SPRED1: variants seen among roughly 807,000 people sequenced by gnomAD.
SPRED1 encodes sprouty related EVH1 domain containing 1, also known as sprouty-related, EVH1 domain-containing protein 1.
In SPRED1, 18 loss-of-function variants were observed where a neutral mutation model predicts 52.3. The observed-to-expected ratio is 0.34, with a 90% CI of 0.24 to 0.51. The LOEUF (loss-of-function observed/expected upper bound fraction) is 0.51, where lower values mean the gene tolerates loss of function less well. SPRED1 is among the 20% of genes least tolerant of loss of function. The pLI, the probability that SPRED1 is intolerant of heterozygous loss-of-function variation, is 0.97. For synonymous variants in SPRED1, 155 were observed against 179.7 expected, an observed-to-expected ratio of 0.86 and a Z score of 1.10; for missense variants, 485 against 551.0, an observed-to-expected ratio of 0.88 and a Z score of 1.20.
At chr15:38,259,709 ACT>A (rs71129328) in intron 1 of SPRED1, among the ~76,000 whole-genome samples, 125,239 of 152,014 alleles carry the variant, frequency 0.82, 52,376 homozygotes, top group Non-Finnish European at 0.9. Flanking sequence ...TTACTAGGTC[ACT>A]TATACAAATC....
intron 1 of SPRED1, among the ~76,000 whole-genome samples, chr15:38,281,575 T>G (rs1894689413): frequency 6.9e-6 from 1 of 145,440 alleles, no homozygotes; most frequent in Non-Finnish European, 1.5e-5. Flanking sequence ...TTTTTTTTTT[T>G]TTTTTTTTGT....
intron 1 of SPRED1, among the ~76,000 whole-genome samples, chr15:38,290,609 G>A (rs1307552894): frequency 2.0e-5 from 3 of 152,150 alleles, no homozygotes; most frequent in African/African-American, 4.8e-5. Flanking sequence ...TTATAGTTCC[G>A]CATGGCTGGA....
intron 5 of SPRED1, among the ~76,000 whole-genome samples, chr15:38,346,460 T>G (rs1024507688): frequency 6.6e-6 from 1 of 152,166 alleles, no homozygotes; most frequent in Non-Finnish European, 1.5e-5. Context: ...TTTCAAAGAT[T>G]TATGACATGT....
chr15:38,281,245 A>G (rs1301686762), intron 1 of SPRED1, among the ~76,000 whole-genome samples: 1 of 152,236 alleles, frequency 6.6e-6, no homozygotes, highest in Non-Finnish European at 1.5e-5. Context: ...GGAATGGACT[A>G]TCTTGTGAAA....
At chr15:38,289,756 A>T (rs1894883219) in intron 1 of SPRED1, among the ~76,000 whole-genome samples, 1 of 152,194 alleles carries the variant, frequency 6.6e-6, no homozygotes, top group African/African-American at 2.4e-5. Context: ...AGGAACTGGA[A>T]AAGGCAAGGG....
intron 1 of SPRED1, among the ~76,000 whole-genome samples, chr15:38,286,436 C>G (rs1048733371): frequency 6.6e-6 from 1 of 151,456 alleles, no homozygotes; most frequent in African/African-American, 2.4e-5. Flanking sequence ...GGGAAATCTG[C>G]TTGTATCTTC....
intron 1 of SPRED1, among the ~76,000 whole-genome samples, chr15:38,268,019 G>A (rs576043957): frequency 6.6e-6 from 1 of 152,294 alleles, no homozygotes; most frequent in South Asian, 2.1e-4. Context: ...TTAGAATTCA[G>A]TGTTCACATA....
chr15:38,273,823 G>A (rs1894490729), intron 1 of SPRED1, among the ~76,000 whole-genome samples: 1 of 152,076 alleles, frequency 6.6e-6, no homozygotes, highest in East Asian at 1.9e-4. Context: ...TGAAGAACAC[G>A]GTGGTGGTTC....
At chr15:38,272,483 T>C (rs1894458811) in intron 1 of SPRED1, among the ~76,000 whole-genome samples, 1 of 152,156 alleles carries the variant, frequency 6.6e-6, no homozygotes, top group Non-Finnish European at 1.5e-5. Flanking sequence ...TTGGCTAGGC[T>C]GGTCTCGAAC....
Position 38,299,521 on chromosome 15 carries a change from C to A in SPRED1, c.181C>A (p.Arg61Ser). ...EENGCADFFI[R>S]GERLRDKMVV... ...GAATGGCTGTGCTGACTTTTTTATC[C>A]GTGGAGAGCGACTCAGGGACAAAAT... The change falls in exon 2 of 7, where the codon CGT becomes AGT. Residue 61 changes from arginine to serine, a missense_variant. Arg to Ser is a moderately radical substitution (Grantham distance 110). This residue lies in a region of SPRED1 where 232 missense variants were observed against 231.8 expected (regional missense o/e 1.00). Coordinates refer to ENST00000299084, the MANE Select transcript of SPRED1 (RefSeq NM_152594.3). The A allele has an allele frequency of 1.9e-6, 3 of 1,613,794 alleles. No homozygotes were observed. The highest frequency in any genetic ancestry group is 2.5e-6 in the Non-Finnish European group (3 of 1,179,882).
intron 1 of SPRED1, among the ~76,000 whole-genome samples, chr15:38,261,826 A>T (rs1204164755): frequency 6.6e-6 from 1 of 152,246 alleles, no homozygotes; most frequent in Admixed American, 6.5e-5. Flanking sequence ...AATTACATTC[A>T]CAAATACAGT....
chr15:38,269,817 T>C (rs1327308934), intron 1 of SPRED1, among the ~76,000 whole-genome samples: 1 of 152,156 alleles, frequency 6.6e-6, no homozygotes, highest in East Asian at 1.9e-4. Flanking sequence ...AGGAGTTAAA[T>C]TTTAAATTTT....
At chr15:38,287,857 G>A (rs553658211) in intron 1 of SPRED1, among the ~76,000 whole-genome samples, 26 of 45,964 alleles carry the variant, frequency 5.7e-4, no homozygotes, top group Admixed American at 9.3e-4. Context: ...CACAGATACC[G>A]AGGAACAACT....
chr15:38,289,114 C>T (rs935534329), intron 1 of SPRED1, among the ~76,000 whole-genome samples: 2 of 151,808 alleles, frequency 1.3e-5, no homozygotes, highest in Admixed American at 1.3e-4. Context: ...TTCGCTAAAA[C>T]AAGTTTTGCC....
At chr15:38,271,094 GAGCGACAA>G (rs1218710758) in intron 1 of SPRED1, among the ~76,000 whole-genome samples, 1 of 152,012 alleles carries the variant, frequency 6.6e-6, no homozygotes, top group African/African-American at 2.4e-5. Context: ...AATAATTATT[GAGCGACAA>G]AGTCATTAGA....
chr15:38,274,718 C>T (rs1356075167), intron 1 of SPRED1, among the ~76,000 whole-genome samples: 7 of 152,170 alleles, frequency 4.6e-5, no homozygotes, highest in Non-Finnish European at 1.0e-4. Context: ...ATTAAGTTGT[C>T]ATGTCTCTTT....
rs1356709983 is a variant in SPRED1, at chr15:38,356,502, A to G, written c.*4838A>G. ...CTAGAGCTTATCAAATTATCACATA[A>G]GAGATAATTACTGGAGGAGAAAGTA... On this transcript the variant is annotated 3_prime_UTR_variant, in exon 7 of 7. Transcript: ENST00000299084. The G allele has an allele frequency of 6.6e-6, 1 of 152,138 alleles. No homozygotes were observed. Among genetic ancestry groups the G allele is most frequent in the East Asian group, 1.9e-4 (1 of 5,200 alleles). 9.4% of individuals were successfully genotyped at this position (152,138 alleles called of 1,614,324 possible). A position where few individuals can be genotyped will look rare whatever the true frequency, so the allele number is the denominator to read the frequency against.
chr15:38,340,785 T>A (rs11073318), intron 5 of SPRED1, among the ~76,000 whole-genome samples: 9 of 152,062 alleles, frequency 5.9e-5, no homozygotes, highest in Non-Finnish European at 1.0e-4. Context: ...CCGCCTCAGC[T>A]TCCCAAAGTG....
At chr15:38,349,677 T>G (rs1888439798) in intron 6 of SPRED1, among the ~76,000 whole-genome samples, 154 bp downstream of exon 6, 2 of 152,224 alleles carry the variant, frequency 1.3e-5, no homozygotes, top group Non-Finnish European at 2.9e-5. Flanking sequence ...CGCTGTTAGT[T>G]AAAAACTCTG....
Sources: gnomAD v4.1 joint callset for allele counts (sites outside exome capture counted in the v4.1 genomes callset) on GRCh38, gnomAD v4.1.1 for gene constraint, gnomAD v4.1.1 regional missense constraint, MANE v1.5 for transcripts, NCBI Gene and HGNC (gene_info 2026-07-23, HGNC 2026-07-21) for gene names.